The following TAMM41 variants were observed in gnomAD, a reference collection of about 807,000 sequenced individuals.
TAMM41 encodes TAM41 mitochondrial translocator assembly and maintenance homolog.
TAMM41 carries 36 observed loss-of-function variants against 44.1 expected under a neutral mutation model. The ratio of observed to expected loss-of-function variants is 0.82; its 90% CI spans 0.63 to 1.08. The LOEUF is 1.08. Ranked by LOEUF, TAMM41 falls within the 50% of genes least tolerant of loss-of-function variation. The probability of loss-of-function intolerance (pLI) is 0.00; values close to 1 mark genes in which losing one functional copy is unlikely to be tolerated. For synonymous variants in TAMM41, 164 were observed against 153.1 expected (o/e 1.07, Z -0.53); for missense variants, 417 against 404.3 (o/e 1.03, Z -0.27).
At chr3:11,773,944 C>T in the TAMM41 span, among the ~76,000 whole-genome samples, 12 of 152,084 alleles carry the variant, frequency 7.9e-5, no homozygotes, top group Admixed American at 5.9e-4. Context: ...CAAAAATTAG[C>T]AGGGCATGGT....
At chr3:11,750,302 C>T in the TAMM41 span, among the ~76,000 whole-genome samples, 1 of 151,736 alleles carries the variant, frequency 6.6e-6, no homozygotes, top group South Asian at 2.1e-4. Context: ...TCTACAGTAA[C>T]CCTCAGGTTC....
chr3:11,768,059 C>T, the TAMM41 span, among the ~76,000 whole-genome samples: 5,373 of 151,184 alleles, frequency 0.036, 118 homozygotes, highest in Non-Finnish European at 0.054. Context: ...TTTGCACTGC[C>T]CTGATGGCTA....
chr3:11,742,932 A>C, the TAMM41 span, among the ~76,000 whole-genome samples: 1 of 151,926 alleles, frequency 6.6e-6, no homozygotes, highest in African/African-American at 2.4e-5. Flanking sequence ...ATGACTGGGG[A>C]GCTCTCTCCC....
intron 7 of TAMM41, among the ~76,000 whole-genome samples, chr3:11,792,587 C>G (rs1260665363): frequency 2.6e-5 from 4 of 152,118 alleles, no homozygotes; most frequent in South Asian, 2.1e-4. Flanking sequence ...ACCAACAGAT[C>G]AGAATGAAGA....
chr3:11,845,877 G>A (rs404171), intron 1 of TAMM41, among the ~76,000 whole-genome samples: 4 of 152,074 alleles, frequency 2.6e-5, no homozygotes, highest in Non-Finnish European at 4.4e-5. Context: ...CAAACAGACC[G>A]TTGTTAAAAG....
the TAMM41 span, among the ~76,000 whole-genome samples, chr3:11,752,676 A>G: frequency 0.32 from 37,012 of 116,012 alleles, 5,163 homozygotes; most frequent in Middle Eastern, 0.38. Flanking sequence ...CTTGCTCTCT[A>G]TCACCCAGGC....
At chr3:11,800,410 T>C (rs1380915679) in intron 7 of TAMM41, among the ~76,000 whole-genome samples, 1 of 152,048 alleles carries the variant, frequency 6.6e-6, no homozygotes, top group Non-Finnish European at 1.5e-5. Context: ...ATATGCTACC[T>C]ACAAGAAACT....
chr3:11,791,800 T>A (rs529701769), intron 7 of TAMM41, among the ~76,000 whole-genome samples: 3 of 152,152 alleles, frequency 2.0e-5, no homozygotes, highest in South Asian at 4.1e-4. Flanking sequence ...CTGGCTTCGT[T>A]TGTCTACCAG....
chr3:11,790,129 G>C (rs186818511), downstream of TAMM41, among the ~76,000 whole-genome samples: 28 of 152,328 alleles, frequency 1.8e-4, no homozygotes, highest in African/African-American at 6.5e-4. Flanking sequence ...ATGGAGACTA[G>C]AGACATAACA....
chr3:11,817,967 GAAAGACA>G (rs944056008), intron 4 of TAMM41, among the ~76,000 whole-genome samples: 5 of 152,188 alleles, frequency 3.3e-5, no homozygotes, highest in Admixed American at 3.3e-4. Context: ...ACCTAATTCT[GAAAGACA>G]AAAGCATTTC....
chr3:11,733,775 G>A, the TAMM41 span, among the ~76,000 whole-genome samples: 1,496 of 152,076 alleles, frequency 9.8e-3, 94 homozygotes, highest in Admixed American at 0.084. Flanking sequence ...GATTACAGGC[G>A]TGAGCCACCA....
the TAMM41 span, among the ~76,000 whole-genome samples, chr3:11,742,132 T>G: frequency 6.7e-6 from 1 of 150,142 alleles, no homozygotes. Flanking sequence ...TTAGTTCATG[T>G]GTGTAGGCCC....
chr3:11,823,260 T>G lies in TAMM41; in HGVS notation c.563-5923A>C, dbSNP rs182853519. 6.7e-3 allele frequency among the ~76,000 whole-genome samples: 986 copies of G among 147,986 alleles called. 14 individuals carry two copies. In the East Asian group the frequency reaches 0.068, roughly 10 times the overall value. ...TTGTTTTGTTGTTGTTGTTGTTTTT[T>G]TTTTTTTTTTTTTGAGACAGAGTCC... is the stretch of plus-strand genomic sequence containing the variant. On this transcript the variant is annotated intron_variant, in intron 4 of 7. Transcript: ENST00000455809.
the TAMM41 span, among the ~76,000 whole-genome samples, chr3:11,742,913 C>T: frequency 6.6e-6 from 1 of 152,076 alleles, no homozygotes; most frequent in South Asian, 2.1e-4. Flanking sequence ...GCTTTTTGAA[C>T]CCCTTCCTAT....
intron 7 of TAMM41, chr3:11,807,428 G>A (rs1367183536): frequency 6.5e-7 from 1 of 1,530,494 alleles, no homozygotes; most frequent in South Asian, 1.2e-5. Flanking sequence ...TTAGAGAAAT[G>A]GCAGTAACAA....
At chr3:11,734,554 A>T in the TAMM41 span, among the ~76,000 whole-genome samples, 4 of 152,092 alleles carry the variant, frequency 2.6e-5, no homozygotes, top group African/African-American at 9.7e-5. Context: ...CTCCTCTATT[A>T]GAAAGAATGT....
the TAMM41 span, among the ~76,000 whole-genome samples, chr3:11,746,587 TG>T: frequency 1.5e-3 from 228 of 150,734 alleles, no homozygotes; most frequent in African/African-American, 5.4e-3. Context: ...AACATTATGC[TG>T]GGGGAAAAAA....
chr3:11,833,539 C>T (rs976363938), intron 3 of TAMM41, among the ~76,000 whole-genome samples: 4 of 152,174 alleles, frequency 2.6e-5, no homozygotes, highest in Non-Finnish European at 5.9e-5. Flanking sequence ...GAAGAAGAAA[C>T]GCTGAACATT....
the TAMM41 span, among the ~76,000 whole-genome samples, chr3:11,754,008 T>C: frequency 2.0e-4 from 30 of 152,238 alleles, no homozygotes; most frequent in Admixed American, 6.5e-4. Flanking sequence ...TGTCCATCTC[T>C]GTTTTTTGCC....
Sources: allele counts gnomAD v4.1 joint callset (sites outside exome capture counted in the v4.1 genomes callset), GRCh38; gene constraint gnomAD v4.1.1; transcripts MANE v1.5; gene names NCBI Gene and HGNC (gene_info 2026-07-23, HGNC 2026-07-21).